The following ZFP82 variants were observed in gnomAD, a reference collection of about 807,000 sequenced individuals.
ZFP82 encodes the protein zinc finger protein 82 homolog.
In ZFP82, 30 loss-of-function variants were observed where a neutral mutation model predicts 54.0. The ratio of observed to expected loss-of-function variants is 0.56; its 90% CI spans 0.42 to 0.75. ZFP82 has a LOEUF of 0.75. Ranked by LOEUF, ZFP82 falls within the 30% of genes least tolerant of loss-of-function variation. The pLI, the probability that ZFP82 is intolerant of heterozygous loss-of-function variation, is 0.00. For missense variants in ZFP82, 500 were observed against 636.8 expected, an observed-to-expected ratio of 0.79 and a Z score of 2.31; for synonymous variants, 194 against 209.5, an observed-to-expected ratio of 0.93 and a Z score of 0.64.
intron 2 of ZFP82, 32 bp downstream of exon 2, chr19:36,409,749 G>T: frequency 6.2e-7 from 1 of 1,611,958 alleles, no homozygotes; most frequent in South Asian, 1.1e-5. Flanking sequence ...ACCTTAACAT[G>T]ATAGTATTCC....
downstream of ZFP82, among the ~76,000 whole-genome samples, chr19:36,388,186 T>C (rs1028742521): frequency 8.5e-5 from 13 of 152,142 alleles, no homozygotes; most frequent in Admixed American, 6.5e-4. Flanking sequence ...TCATTTTATG[T>C]TTTATAATTG....
downstream of ZFP82, among the ~76,000 whole-genome samples, chr19:36,387,513 G>A (rs57612280): frequency 0.047 from 7,151 of 152,130 alleles, 422 homozygotes; most frequent in African/African-American, 0.13. Context: ...ATAAGATGAC[G>A]CAGCAAGAAG....
downstream of ZFP82, chr19:36,383,649 T>G (rs1038550371): frequency 6.6e-6 from 1 of 152,090 alleles, no homozygotes; most frequent in Non-Finnish European, 1.5e-5. Flanking sequence ...TTGACACACC[T>G]GATTGCCTAG....
chr19:36,401,411 A>G (rs2032382429), intron 4 of ZFP82, among the ~76,000 whole-genome samples: 3 of 152,220 alleles, frequency 2.0e-5, no homozygotes, highest in Non-Finnish European at 4.4e-5. Context: ...TCACTTCAGT[A>G]AATTCTGCTT....
chr19:36,408,648 G>T (rs1300380679), intron 2 of ZFP82, among the ~76,000 whole-genome samples: 2 of 152,000 alleles, frequency 1.3e-5, no homozygotes, highest in African/African-American at 4.8e-5. Flanking sequence ...GAGAACCCTT[G>T]TTTCTACTAA....
rs983728234 is a variant in ZFP82 at position 36,393,871 on chromosome 19, C to T, written c.469G>A (p.Val157Ile). ...AAATGAAGTCTCTGATGTGGAGTAA[C>T]AGATGTGCGTTTCTGGTAAGAGGAC... ...KVSSYQKRTS[V>I]TPHQRLHFVD... The change falls in exon 5 of 5, where the codon GTT becomes ATT. Residue 157 changes from valine (V) to isoleucine (I), a missense_variant. By Grantham distance (29) the Val-to-Ile change is conservative (BLOSUM62 3). Transcript: ENST00000392161. 1.9e-6 allele frequency: 3 copies of T among 1,614,064 alleles called. No individual in the cohort carries two copies. The highest frequency in any genetic ancestry group is 2.7e-5 in the African/African-American group (2 of 74,922).
intron 4 of ZFP82, among the ~76,000 whole-genome samples, chr19:36,397,153 C>T (rs1284906057): frequency 6.9e-6 from 1 of 145,276 alleles, no homozygotes; most frequent in African/African-American, 2.6e-5. Flanking sequence ...AGTGCAGTGG[C>T]GCAATCTTGG....
At chr19:36,410,626 C>T (rs1360416021) in intron 1 of ZFP82, among the ~76,000 whole-genome samples, 2 of 151,962 alleles carry the variant, frequency 1.3e-5, no homozygotes, top group African/African-American at 4.8e-5. Context: ...CCTCAGCCTC[C>T]CAAGTAGCTG....
In ZFP82 at chr19:36,393,106, G is replaced by A; in HGVS notation, c.1234C>T (p.His412Tyr). 6.2e-7 allele frequency: 1 copy of A among 1,614,002 alleles called. No individual in the cohort carries two copies. The highest frequency in any genetic ancestry group is 8.5e-7 in the Non-Finnish European group (1 of 1,179,982). Residue 412 changes from histidine (H) to tyrosine (Y), a missense_variant, in exon 5 of 5, where the codon CAT (histidine) becomes TAT (tyrosine). Coordinates refer to ENST00000392161, the MANE Select transcript of ZFP82 (RefSeq NM_133466.4). ...TTAACACCAATATGAATACTCTGATGTGAAATAAGTTGTGAGTAGCGACTA... is the reference window on the plus strand; with the variant it reads ...TTAACACCAATATGAATACTCTGATATGAAATAAGTTGTGAGTAGCGACTA... ...AFSRYSQLIS[H>Y]QSIHIGVKPY...
intron 3 of ZFP82, among the ~76,000 whole-genome samples, chr19:36,407,447 C>A (rs550898577): frequency 6.6e-6 from 1 of 152,262 alleles, no homozygotes; most frequent in South Asian, 2.1e-4. Flanking sequence ...GGAATGAGTT[C>A]TCTTGAATTG....
rs2032216838 is a variant in ZFP82, at chr19:36,392,527, A to G, written c.*214T>C. 4.0e-6 allele frequency: 2 copies of G among 495,848 alleles called. No homozygotes were observed. The highest frequency in any genetic ancestry group is 7.0e-6 in the Non-Finnish European group (2 of 286,124). The allele number at this position is 495,848 out of a possible 1,614,324, so 30.7% of individuals were successfully genotyped here. A position where few individuals can be genotyped will look rare whatever the true frequency, so the allele number is the denominator to read the frequency against. ...GACACAAAGTGATGGGATAGGGATG[A>G]CGGTAAATGTCTTTTTCATTCTTAT... On this transcript the variant is annotated 3_prime_UTR_variant, in exon 5 of 5. Coordinates refer to ENST00000392161, the MANE Select transcript of ZFP82 (RefSeq NM_133466.4).
chr19:36,416,628 T>G (rs369962351), intron 1 of ZFP82, among the ~76,000 whole-genome samples: 2 of 151,708 alleles, frequency 1.3e-5, no homozygotes, highest in African/African-American at 4.9e-5. Context: ...TGGTGGTATA[T>G]GCCTGTAATC....
intron 1 of ZFP82, among the ~76,000 whole-genome samples, chr19:36,412,159 T>G (rs2032593192): frequency 6.6e-6 from 1 of 152,120 alleles, no homozygotes; most frequent in Admixed American, 6.6e-5. Flanking sequence ...ATATAAAATA[T>G]TCAAGATATA....
intron 3 of ZFP82, among the ~76,000 whole-genome samples, chr19:36,407,144 T>A (rs1281453285): frequency 6.9e-6 from 1 of 145,306 alleles, no homozygotes; most frequent in Non-Finnish European, 1.5e-5. Context: ...TGGCGGGATC[T>A]CAGCTCACTG....
chr19:36,392,924 A>G lies in ZFP82; in HGVS notation c.1416T>C (p.His472=), dbSNP rs2145579020. ...RQKLTLHQSI[H]TGEKPFECKE... ...TACACTCAAAGGGTTTTTCGCCAGT[A>G]TGAATGCTCTGATGTAGAGTAAGTT... is the stretch of plus-strand genomic sequence containing the variant. Residue 472 remains histidine, a synonymous_variant, in exon 5 of 5, where the codon CAT becomes CAC. Coordinates refer to ENST00000392161, the MANE Select transcript of ZFP82 (RefSeq NM_133466.4). 2 of 1,613,846 alleles carry G rather than the reference A, an allele frequency of 1.2e-6. No individual in the cohort carries two copies. The highest frequency in any genetic ancestry group is 8.5e-7 in the Non-Finnish European group (1 of 1,179,890).
chr19:36,396,296 C>T (rs12976881), intron 4 of ZFP82, among the ~76,000 whole-genome samples: 103,139 of 151,836 alleles, frequency 0.68, 35,325 homozygotes, highest in African/African-American at 0.76. Flanking sequence ...GCAGGAAGAT[C>T]TCTTCAGCCC....
chr19:36,399,591 ATGTT>A (rs1002479182), intron 4 of ZFP82, among the ~76,000 whole-genome samples: 1 of 152,206 alleles, frequency 6.6e-6, no homozygotes, highest in African/African-American at 2.4e-5. Context: ...AGAGGCAACT[ATGTT>A]TGTTCCAAAC....
chr19:36,400,300 T>G (rs185846134), intron 4 of ZFP82, among the ~76,000 whole-genome samples: 4 of 152,382 alleles, frequency 2.6e-5, no homozygotes, highest in Admixed American at 1.3e-4. Context: ...TTGGGCACTG[T>G]ATCAACCATC....
In ZFP82 at chr19:36,392,660, C is replaced by G. The variant is rs1047255903; in HGVS notation, c.*81G>C. ...AATGGTATAAAACCTCTAATGCCAA[C>G]GCAGTTGCATGTATGGAGCAAAATA... On this transcript the variant is annotated 3_prime_UTR_variant, in exon 5 of 5. Transcript: ENST00000392161. 8.0e-7 allele frequency: 1 copy of G among 1,246,070 alleles called. No homozygotes were observed. The highest frequency in any genetic ancestry group is 1.1e-6 in the Non-Finnish European group (1 of 926,104). The allele number at this position is 1,246,070 out of a possible 1,614,324, so 77.2% of individuals were successfully genotyped here. A position where few individuals can be genotyped will look rare whatever the true frequency, so the allele number is the denominator to read the frequency against.
Sources: gnomAD v4.1 joint callset for allele counts (sites outside exome capture counted in the v4.1 genomes callset) on GRCh38, gnomAD v4.1.1 for gene constraint, MANE v1.5 for transcripts, NCBI Gene and HGNC (gene_info 2026-07-23, HGNC 2026-07-21) for gene names.